GALNT17: variants seen among roughly 807,000 people sequenced by gnomAD.
GALNT17 encodes the protein UDP-GalNAc:polypeptide N-acetylgalactosaminyltransferase-like 3.
GALNT17 carries 29 observed loss-of-function variants against 63.7 expected under a neutral mutation model. The ratio of observed to expected loss-of-function variants is 0.46; its 90% CI spans 0.34 to 0.62. The LOEUF (loss-of-function observed/expected upper bound fraction) is 0.62, where lower values mean the gene tolerates loss of function less well. Ranked by LOEUF, GALNT17 falls within the 20% of genes least tolerant of loss-of-function variation. The pLI is 0.01. For missense variants in GALNT17, 603 were observed against 799.6 expected, an observed-to-expected ratio of 0.75 and a Z score of 2.97; for synonymous variants, 305 against 318.3, an observed-to-expected ratio of 0.96 and a Z score of 0.45.
chr7:71,475,236 G>A (rs1787703598), intron 5 of GALNT17, among the ~76,000 whole-genome samples: 1 of 152,060 alleles, frequency 6.6e-6, no homozygotes, highest in South Asian at 2.1e-4. Flanking sequence ...GATGATTTCG[G>A]GATGATTCAA....
At chr7:71,405,024 G>C (rs1378944743) in intron 3 of GALNT17, among the ~76,000 whole-genome samples, 1 of 152,172 alleles carries the variant, frequency 6.6e-6, no homozygotes, top group Non-Finnish European at 1.5e-5. Flanking sequence ...CATCATACTG[G>C]TGCTTTGCAC....
intron 1 of GALNT17, among the ~76,000 whole-genome samples, chr7:71,299,002 C>A (rs1234352190): frequency 6.6e-6 from 1 of 152,016 alleles, no homozygotes; most frequent in Non-Finnish European, 1.5e-5. Context: ...AAGTCACCAC[C>A]CTTGCAACTG....
At chr7:71,288,930 G>A (rs73700676) in intron 1 of GALNT17, among the ~76,000 whole-genome samples, 7,100 of 152,242 alleles carry the variant, frequency 0.047, 570 homozygotes, top group African/African-American at 0.16. Flanking sequence ...TGGCTCATGT[G>A]CTTAAAAACC....
intron 1 of GALNT17, among the ~76,000 whole-genome samples, chr7:71,179,929 C>A (rs899818383): frequency 1.3e-4 from 20 of 152,126 alleles, no homozygotes; most frequent in African/African-American, 4.8e-4. Context: ...TTGTTACTTG[C>A]AGGAGGTTTG....
chr7:71,215,718 C>A (rs547495757), intron 1 of GALNT17, among the ~76,000 whole-genome samples: 1 of 152,104 alleles, frequency 6.6e-6, no homozygotes, highest in Non-Finnish European at 1.5e-5. Flanking sequence ...GATGTTTCCT[C>A]ATGGAATTTA....
intron 6 of GALNT17, among the ~76,000 whole-genome samples, chr7:71,586,970 GTA>G (rs983414897): frequency 2.0e-5 from 3 of 151,954 alleles, no homozygotes; most frequent in African/African-American, 7.2e-5. Context: ...CTATCCAACT[GTA>G]TGTTTGTATC....
At chr7:71,677,116 A>G (rs1413322499) in intron 8 of GALNT17, 95 bp from the exon 9 acceptor site, 27 of 1,255,094 alleles carry the variant, frequency 2.2e-5, no homozygotes, top group South Asian at 3.6e-5. Context: ...TCTTCCCATC[A>G]TGAAGTTGGA....
At chr7:71,693,826 A>G (rs1247644850) in intron 9 of GALNT17, among the ~76,000 whole-genome samples, 2 of 151,682 alleles carry the variant, frequency 1.3e-5, no homozygotes, top group African/African-American at 4.8e-5. Flanking sequence ...AGTTAAAAAA[A>G]AAAAAAAGAA....
chr7:71,347,398 A>C (rs1435938938), intron 2 of GALNT17, among the ~76,000 whole-genome samples: 1 of 152,122 alleles, frequency 6.6e-6, no homozygotes, highest in African/African-American at 2.4e-5. Flanking sequence ...GTGTGGATTA[A>C]ATTTTCCACG....
At chr7:71,552,900 A>G (rs772189087) in intron 5 of GALNT17, among the ~76,000 whole-genome samples, 33 of 152,146 alleles carry the variant, frequency 2.2e-4, no homozygotes, top group Non-Finnish European at 4.4e-4. Context: ...GTCCCGCTTT[A>G]TGGACTGGAA....
intron 9 of GALNT17, among the ~76,000 whole-genome samples, chr7:71,689,041 T>C (rs1347127803): frequency 6.6e-6 from 1 of 152,180 alleles, no homozygotes; most frequent in Non-Finnish European, 1.5e-5. Context: ...TGGTTTGTGA[T>C]CAGTATCTTT....
chr7:71,157,602 G>A (rs145310466), intron 1 of GALNT17, among the ~76,000 whole-genome samples: 21 of 151,792 alleles, frequency 1.4e-4, no homozygotes, highest in African/African-American at 2.9e-4. Flanking sequence ...AGGTTGCAGC[G>A]AGCCGAGATT....
intron 5 of GALNT17, among the ~76,000 whole-genome samples, chr7:71,520,448 A>C (rs1788512508): frequency 1.3e-5 from 2 of 151,946 alleles, no homozygotes; most frequent in Non-Finnish European, 2.9e-5. Flanking sequence ...GCTTGAACCC[A>C]GGAGGCGGAG....
At chr7:71,681,614 G>A (rs138118741) in intron 9 of GALNT17, among the ~76,000 whole-genome samples, 33 of 152,278 alleles carry the variant, frequency 2.2e-4, no homozygotes, top group Admixed American at 3.3e-4. Context: ...TGGCTGTGCC[G>A]GATCATCCTT....
chr7:71,214,540 T>C, intron 1 of GALNT17, among the ~76,000 whole-genome samples: 1 of 151,762 alleles, frequency 6.6e-6, no homozygotes, highest in East Asian at 1.9e-4. Context: ...AAAAACTGCT[T>C]CCTCCCAGGG....
chr7:71,494,763 T>C (rs1230636584), intron 5 of GALNT17, among the ~76,000 whole-genome samples: 2 of 152,136 alleles, frequency 1.3e-5, no homozygotes, highest in Non-Finnish European at 2.9e-5. Flanking sequence ...AGAGGTTTAA[T>C]TGACTCAGTT....
Position 71,278,929 on chromosome 7 carries a change from C to CT in GALNT17, c.239-56610dup, listed in dbSNP as rs918756020. ...TTTTCCTCTTTTTCTTCTTCTTCTT[C>CT]TTTTTTTTTTTAATTGAGATGGAGT... On this transcript the variant is annotated intron_variant, in intron 1 of 10. Coordinates refer to ENST00000333538, the MANE Select transcript of GALNT17 (RefSeq NM_022479.3). Among the ~76,000 whole-genome samples, 301 of 145,344 alleles carry CT rather than the reference C, an allele frequency of 2.1e-3. 1 individual carries two copies. Among genetic ancestry groups the CT allele is most frequent in the African/African-American group, 5.8e-3 (232 of 39,890 alleles).
Position 71,201,241 on chromosome 7 carries a change from T to TTTATATATATATATATATATA in GALNT17, c.238+68202_238+68203insTATATATATATATATATATAT, listed in dbSNP as rs1789163354. ...TGTATGGGGGTGTGTGTGTTTATTT[T>TTTATATATATATATATATATA]TATATATATATATATAATTTGTGTG... On this transcript the variant is annotated intron_variant, in intron 1 of 10. Transcript: ENST00000333538. 2.2e-5 allele frequency among the ~76,000 whole-genome samples: 3 copies of TTTATATATATATATATATATA among 138,382 alleles called. No individual in the cohort carries two copies. The East Asian group carries it at 6.7e-4, about 31-fold the overall frequency. The allele number at this position is 138,382 out of a possible 152,430, so 90.8% of individuals were successfully genotyped here. A position where few individuals can be genotyped will look rare whatever the true frequency, so the allele number is the denominator to read the frequency against.
intron 5 of GALNT17, among the ~76,000 whole-genome samples, chr7:71,432,300 C>T (rs896665857): frequency 6.6e-6 from 1 of 152,160 alleles, no homozygotes; most frequent in African/African-American, 2.4e-5. Context: ...CACATAACAA[C>T]TCATTTCAAG....
Sources: gnomAD v4.1 joint callset for allele counts (sites outside exome capture counted in the v4.1 genomes callset) on GRCh38, gnomAD v4.1.1 for gene constraint, MANE v1.5 for transcripts, NCBI Gene and HGNC (gene_info 2026-07-23, HGNC 2026-07-21) for gene names.